DCC: variants seen among roughly 807,000 people sequenced by gnomAD.
DCC encodes netrin receptor DCC.
DCC carries 58 observed loss-of-function variants against 172.5 expected under a neutral mutation model. The observed-to-expected ratio is 0.34, with a 90% CI of 0.27 to 0.42. DCC has a LOEUF of 0.42. Among genes scored for constraint, DCC ranks in the 10% least tolerant of loss-of-function variants. The probability of loss-of-function intolerance (pLI) is 1.00; values close to 1 mark genes in which losing one functional copy is unlikely to be tolerated. For missense variants in DCC, 1,740 were observed against 1,791.0 expected (o/e 0.97, Z 0.51); for synonymous variants, 709 against 644.5 (o/e 1.10, Z -1.52).
intron 27 of DCC, among the ~76,000 whole-genome samples, chr18:53,511,985 G>A (rs1431505636): frequency 1.3e-5 from 2 of 152,172 alleles, no homozygotes; most frequent in African/African-American, 4.8e-5. Flanking sequence ...AAGCCTGCCT[G>A]CCTCTGTAGG....
intron 23 of DCC, among the ~76,000 whole-genome samples, chr18:53,457,887 G>A (rs968804831): frequency 5.3e-5 from 8 of 152,094 alleles, no homozygotes; most frequent in East Asian, 1.9e-4. Flanking sequence ...TCATCAGCAC[G>A]CTTCAAGAAA....
At chr18:53,409,460 G>A (rs1219196673) in intron 19 of DCC, among the ~76,000 whole-genome samples, 1 of 152,164 alleles carries the variant, frequency 6.6e-6, no homozygotes, top group Non-Finnish European at 1.5e-5. Flanking sequence ...TAGCATTGAA[G>A]AATTGTGGCA....
intron 5 of DCC, among the ~76,000 whole-genome samples, chr18:53,020,734 T>G (rs1359991980): frequency 2.0e-5 from 3 of 152,102 alleles, no homozygotes; most frequent in African/African-American, 7.2e-5. Flanking sequence ...TTTAGAAGGG[T>G]ATGAGATCTG....
chr18:52,450,812 G>T (rs2144515980), intron 1 of DCC, among the ~76,000 whole-genome samples: 1 of 151,990 alleles, frequency 6.6e-6, no homozygotes, highest in East Asian at 1.9e-4. Flanking sequence ...ACCACTATAG[G>T]TATCCAAAGG....
At chr18:53,407,497 C>CAT (rs1283150861) in intron 19 of DCC, among the ~76,000 whole-genome samples, 2 of 126,926 alleles carry the variant, frequency 1.6e-5, no homozygotes, top group Non-Finnish European at 3.3e-5. Flanking sequence ...TATTTAGCTG[C>CAT]ATATATATAT....
At chr18:53,266,291 G>C (rs1160035184) in intron 12 of DCC, among the ~76,000 whole-genome samples, 2 of 152,072 alleles carry the variant, frequency 1.3e-5, no homozygotes, top group Non-Finnish European at 2.9e-5. Context: ...ACATTGTATG[G>C]GCCATGTAAT....
intron 5 of DCC, among the ~76,000 whole-genome samples, chr18:52,953,928 G>A (rs2040699216): frequency 6.6e-6 from 1 of 152,310 alleles, no homozygotes. Context: ...GTGTTGGAAT[G>A]TTTAGGCTAA....
chr18:53,439,987 G>A (rs9947039), intron 22 of DCC, among the ~76,000 whole-genome samples: 1,908 of 151,230 alleles, frequency 0.013, 49 homozygotes, highest in African/African-American at 0.043. Flanking sequence ...GGATGGTCTC[G>A]ATCTCTTGAC....
intron 1 of DCC, among the ~76,000 whole-genome samples, chr18:52,527,407 A>G (rs1484277994): frequency 6.6e-6 from 1 of 152,224 alleles, no homozygotes; most frequent in Non-Finnish European, 1.5e-5. Context: ...CCAATGAGCA[A>G]TTTGTTGGAA....
chr18:53,418,092 A>G (rs1910425075), intron 21 of DCC, among the ~76,000 whole-genome samples: 1 of 152,156 alleles, frequency 6.6e-6, no homozygotes, highest in Admixed American at 6.6e-5. Context: ...AATATTACTC[A>G]GAAGGATTCT....
chr18:53,047,265 T>G (rs868261390), intron 5 of DCC, among the ~76,000 whole-genome samples: 2 of 15,724 alleles, frequency 1.3e-4, no homozygotes, highest in African/African-American at 6.1e-4. Context: ...TATATATATA[T>G]ATATATATAT....
At chr18:53,338,214 A>T (rs1237952417) in intron 14 of DCC, among the ~76,000 whole-genome samples, 1 of 152,204 alleles carries the variant, frequency 6.6e-6, no homozygotes, top group Non-Finnish European at 1.5e-5. Flanking sequence ...AAACTCCAAT[A>T]GTGCAGGTTT....
chr18:53,112,746 G>C (rs1228249414), intron 7 of DCC, among the ~76,000 whole-genome samples: 3 of 151,376 alleles, frequency 2.0e-5, no homozygotes, highest in Non-Finnish European at 4.4e-5. Context: ...TCTTGGGGTA[G>C]AATTGGATAT....
intron 14 of DCC, among the ~76,000 whole-genome samples, chr18:53,337,550 A>G (rs893830382): frequency 1.3e-5 from 2 of 152,214 alleles, no homozygotes; most frequent in African/African-American, 2.4e-5. Flanking sequence ...GTTTTGAGAC[A>G]TAATTTTTTT....
chr18:53,507,752 T>C, intron 27 of DCC, among the ~76,000 whole-genome samples: 1 of 152,164 alleles, frequency 6.6e-6, no homozygotes, highest in East Asian at 1.9e-4. Context: ...GCACTTATAG[T>C]GACTGCTATT....
chr18:52,865,767 G>A (rs4528675), intron 2 of DCC, among the ~76,000 whole-genome samples: 55,026 of 151,836 alleles, frequency 0.36, 10,639 homozygotes, highest in South Asian at 0.49. Flanking sequence ...CAGACAGATA[G>A]ATTGCAAAAT....
At chr18:53,031,196 T>G (rs1454936908) in intron 5 of DCC, among the ~76,000 whole-genome samples, 1 of 152,132 alleles carries the variant, frequency 6.6e-6, no homozygotes, top group Non-Finnish European at 1.5e-5. Context: ...GAGGCAGAGG[T>G]TGCAGTGAGC....
chr18:53,002,096 A>C (rs2041574621), intron 5 of DCC, among the ~76,000 whole-genome samples: 1 of 152,092 alleles, frequency 6.6e-6, no homozygotes, highest in Non-Finnish European at 1.5e-5. Flanking sequence ...TAATGACACT[A>C]ATATTGTTCA....
intron 2 of DCC, among the ~76,000 whole-genome samples, chr18:52,898,799 G>C (rs1461745159): frequency 6.6e-6 from 1 of 152,006 alleles, no homozygotes; most frequent in Non-Finnish European, 1.5e-5. Flanking sequence ...CAAATATTTG[G>C]GTTGTGCCTA....
Sources: allele counts gnomAD v4.1 joint callset (sites outside exome capture counted in the v4.1 genomes callset), GRCh38; gene constraint gnomAD v4.1.1; transcripts MANE v1.5; gene names NCBI Gene and HGNC (gene_info 2026-07-23, HGNC 2026-07-21).